The following BPIFA2 variants were observed in gnomAD, a reference collection of about 807,000 sequenced individuals.
BPIFA2 encodes BPI fold-containing family A member 2.
A neutral mutation model predicts 25.7 loss-of-function variants in BPIFA2; 20 were observed. The ratio of observed to expected loss-of-function variants is 0.78; its 90% CI spans 0.55 to 1.13. BPIFA2 has a LOEUF of 1.13. Among genes scored for constraint, BPIFA2 ranks in the 50% most tolerant of loss-of-function variants. The probability of loss-of-function intolerance (pLI) is 0.00; values close to 1 mark genes in which losing one functional copy is unlikely to be tolerated. For missense variants in BPIFA2, 300 were observed against 298.1 expected (o/e 1.01, Z -0.05); for synonymous variants, 126 against 124.3 (o/e 1.01, Z -0.09).
chr20:33,165,887 G>A (rs1033128867), upstream of BPIFA2, among the ~76,000 whole-genome samples: 17 of 152,154 alleles, frequency 1.1e-4, no homozygotes, highest in African/African-American at 2.7e-4. Flanking sequence ...TTCTTTTTCC[G>A]GAATGACTCA....
chr20:33,174,309 TGTGA>T (rs2055992988), intron 4 of BPIFA2, 123 bp downstream of exon 4: 1 of 800,980 alleles, frequency 1.2e-6, no homozygotes, highest in African/African-American at 1.7e-5. Flanking sequence ...TTTCCCAATC[TGTGA>T]GTGAGAGAAC....
chr20:33,169,302 G>A lies in BPIFA2; in HGVS notation c.157G>A (p.Gly53Ser), dbSNP rs771738305. Residue 53 changes from glycine (G) to serine (S), a missense_variant and splice_region_variant, in exon 2 of 9, where the codon GGC becomes AGC. Coordinates refer to ENST00000354932, the MANE Select transcript of BPIFA2 (RefSeq NM_080574.4). ...TGAGACAGTTGACAATACTCTTAAA[G>A]GTAAATCAACAAGGGTGATGAACAG... ...GLETVDNTLK[G>S]ILEKLKVDLG... is the part of the protein sequence containing the mutation. 4 of 1,613,716 alleles carry A rather than the reference G, an allele frequency of 2.5e-6. No individual in the cohort carries two copies. Among genetic ancestry groups the A allele is most frequent in the East Asian group, 2.2e-5 (1 of 44,886 alleles).
chr20:33,173,097 G>A (rs967601955), intron 3 of BPIFA2, 21 bp downstream of exon 3: 1 of 1,610,250 alleles, frequency 6.2e-7, no homozygotes, highest in East Asian at 2.2e-5. Flanking sequence ...CCTTCAGGGT[G>A]GAGATCTTTG....
intron 1 of BPIFA2, among the ~76,000 whole-genome samples, chr20:33,162,788 G>A (rs1019715508): frequency 5.9e-5 from 9 of 152,256 alleles, no homozygotes; most frequent in South Asian, 4.1e-4. Context: ...ACTTAGCCAC[G>A]TTTTGGAATC....
At chr20:33,176,504 T>C (rs1201947512) in intron 5 of BPIFA2, among the ~76,000 whole-genome samples, 1 of 152,228 alleles carries the variant, frequency 6.6e-6, no homozygotes, top group Non-Finnish European at 1.5e-5. Flanking sequence ...CAAAGACCCC[T>C]GAAAACCAAA....
chr20:33,178,344 T>C (rs1489682163), intron 6 of BPIFA2, 116 bp downstream of exon 6: 1 of 744,622 alleles, frequency 1.3e-6, no homozygotes, highest in Non-Finnish European at 2.1e-6. Flanking sequence ...AGCTTCTCCT[T>C]AGGAGGTCAG....
intron 8 of BPIFA2, 141 bp downstream of exon 8, chr20:33,180,738 G>A: frequency 1.5e-6 from 1 of 658,724 alleles, no homozygotes; most frequent in East Asian, 2.8e-5. Flanking sequence ...TCCCAGGCTA[G>A]GCCCTGATTC....
At chr20:33,179,750 C>T (rs906207149) in intron 7 of BPIFA2, 83 bp downstream of exon 7, 6 of 1,377,788 alleles carry the variant, frequency 4.4e-6, no homozygotes, top group Non-Finnish European at 6.2e-6. Flanking sequence ...GTCAGGGGAC[C>T]CTGGAGAAGC....
At position 33,180,546 on chromosome 20, in the gene BPIFA2, C is replaced by T. The variant is rs1389134864; in HGVS notation, c.736C>T (p.Gln246Ter). The T allele has an allele frequency of 9.3e-6, 15 of 1,613,524 alleles. No homozygotes were observed. The Admixed American group carries it at 2.5e-4, about 27-fold the overall frequency. ...TAATCCTCAGCACAAAACCCAGCTG[C>T]AAACCCTCATCTGAAGAGGACGAAT... ...VDNPQHKTQL[Q>*]TLI is the part of the protein sequence containing the mutation. Residue 246 changes from glutamine to a stop codon, truncating the protein, a stop_gained, in exon 8 of 9, where the codon CAA becomes TAA. Transcript: ENST00000354932. LOFTEE classifies it high-confidence loss of function.
chr20:33,176,370 C>A (rs1984075720), intron 5 of BPIFA2, among the ~76,000 whole-genome samples: 1 of 152,178 alleles, frequency 6.6e-6, no homozygotes. Context: ...GACCCAGAAG[C>A]TGAGGGCTGG....
At chr20:33,174,320 G>A (rs1458279740) in intron 4 of BPIFA2, 134 bp downstream of exon 4, 2 of 729,416 alleles carry the variant, frequency 2.7e-6, no homozygotes, top group Non-Finnish European at 4.8e-6. Flanking sequence ...GTGAGTGAGA[G>A]AACCCTTCTG....
chr20:33,169,352 C>A (rs778769650), intron 2 of BPIFA2, 50 bp downstream of exon 2: 1 of 1,579,530 alleles, frequency 6.3e-7, no homozygotes, highest in Non-Finnish European at 8.7e-7. Flanking sequence ...GCCTCCTAAA[C>A]ACTATGCCTG....
chr20:33,166,851 T>C (rs990380765), upstream of BPIFA2, among the ~76,000 whole-genome samples: 3 of 152,264 alleles, frequency 2.0e-5, no homozygotes, highest in Non-Finnish European at 4.4e-5. Context: ...GCTATGTTCC[T>C]GGGCTGGGAC....
intron 5 of BPIFA2, among the ~76,000 whole-genome samples, chr20:33,176,318 G>A (rs1984073795): frequency 6.6e-6 from 1 of 152,246 alleles, no homozygotes; most frequent in Non-Finnish European, 1.5e-5. Context: ...GAGGGTGGAA[G>A]GAGAAAGAGT....
At chr20:33,162,261 A>C (rs1288961801) in intron 1 of BPIFA2, among the ~76,000 whole-genome samples, 1 of 152,136 alleles carries the variant, frequency 6.6e-6, no homozygotes, top group Non-Finnish European at 1.5e-5. Flanking sequence ...AATTACAGGC[A>C]TGAGCCACTG....
At chr20:33,167,463 G>C (rs1020560055), upstream of BPIFA2, among the ~76,000 whole-genome samples, 1 of 152,172 alleles carries the variant, frequency 6.6e-6, no homozygotes. Context: ...CAAATGCCTG[G>C]TTCCTGTCCT....
intron 5 of BPIFA2, 78 bp from the exon 6 acceptor site, chr20:33,178,069 C>T: frequency 2.8e-6 from 3 of 1,067,246 alleles, no homozygotes; most frequent in Non-Finnish European, 4.2e-6. Context: ...GTATTTCCCG[C>T]ACCGCCCCCA....
upstream of BPIFA2, among the ~76,000 whole-genome samples, chr20:33,163,567 A>G (rs927742333): frequency 6.6e-5 from 10 of 152,196 alleles, no homozygotes; most frequent in African/African-American, 2.4e-4. Context: ...TCATGCCTGT[A>G]ATCCCAGCAC....
chr20:33,179,915 C>T (rs1258950316), intron 7 of BPIFA2, among the ~76,000 whole-genome samples: 1 of 152,124 alleles, frequency 6.6e-6, no homozygotes, highest in Admixed American at 6.5e-5. Context: ...GGTGACCCTT[C>T]TATGAAAATA....
Sources: gnomAD v4.1 joint callset for allele counts (sites outside exome capture counted in the v4.1 genomes callset) on GRCh38, gnomAD v4.1.1 for gene constraint, MANE v1.5 for transcripts, NCBI Gene and HGNC (gene_info 2026-07-23, HGNC 2026-07-21) for gene names.